Variants in SLC25A13 observed in about 807,000 individuals in gnomAD.
SLC25A13 encodes the protein solute carrier family 25 member 13.
In SLC25A13, 70 loss-of-function variants were observed where a neutral mutation model predicts 85.5. The ratio of observed to expected loss-of-function variants is 0.82; its 90% CI spans 0.68 to 1.00. The LOEUF is 1.00. SLC25A13 is among the 50% of genes least tolerant of loss of function. The pLI is 0.00. For missense variants in SLC25A13, 765 were observed against 819.8 expected, an observed-to-expected ratio of 0.93 and a Z score of 0.82; for synonymous variants, 259 against 288.7, an observed-to-expected ratio of 0.90 and a Z score of 1.04.
At chr7:96,267,670 C>A (rs780522804) in intron 3 of SLC25A13, among the ~76,000 whole-genome samples, 1 of 151,754 alleles carries the variant, frequency 6.6e-6, no homozygotes, top group South Asian at 2.1e-4. Flanking sequence ...AAAAATTAGC[C>A]GGGTGTGGTG....
intron 3 of SLC25A13, among the ~76,000 whole-genome samples, chr7:96,253,363 G>A (rs1797508199): frequency 2.0e-5 from 3 of 152,060 alleles, no homozygotes; most frequent in Admixed American, 1.3e-4. Flanking sequence ...AAATTGAGAA[G>A]GGAAAGCTAA....
At chr7:96,299,876 TG>T (rs1243734898) in intron 1 of SLC25A13, among the ~76,000 whole-genome samples, 5 of 152,212 alleles carry the variant, frequency 3.3e-5, no homozygotes, top group Non-Finnish European at 7.4e-5. Context: ...TGTAGGCAAC[TG>T]TAAAACAAGT....
intron 3 of SLC25A13, among the ~76,000 whole-genome samples, chr7:96,266,764 A>T (rs1798054880): frequency 6.6e-6 from 1 of 152,160 alleles, no homozygotes; most frequent in African/African-American, 2.4e-5. Context: ...ATGATTTCAG[A>T]CATCAAATAT....
chr7:96,200,326 C>A (rs1429204297), intron 5 of SLC25A13, among the ~76,000 whole-genome samples: 1 of 133,528 alleles, frequency 7.5e-6, no homozygotes, highest in Non-Finnish European at 1.8e-5. Context: ...ACATTTAGCC[C>A]AAACAATTTC....
chr7:96,301,198 A>C (rs1489314030), intron 1 of SLC25A13, among the ~76,000 whole-genome samples: 1 of 152,150 alleles, frequency 6.6e-6, no homozygotes, highest in Non-Finnish European at 1.5e-5. Flanking sequence ...GGATTATTAG[A>C]CTTAGTTCAT....
At chr7:96,262,467 G>A (rs948873684) in intron 3 of SLC25A13, among the ~76,000 whole-genome samples, 1 of 151,918 alleles carries the variant, frequency 6.6e-6, no homozygotes, top group African/African-American at 2.4e-5. Flanking sequence ...GTAACTCAAG[G>A]TTCAATATAA....
chr7:96,140,586 G>A (rs1792499530), intron 14 of SLC25A13, among the ~76,000 whole-genome samples: 1 of 150,800 alleles, frequency 6.6e-6, no homozygotes, highest in Non-Finnish European at 1.5e-5. Flanking sequence ...TGTACTTTTA[G>A]TAGAGATGGG....
At chr7:96,253,633 TA>T (rs1797519298) in intron 3 of SLC25A13, among the ~76,000 whole-genome samples, 1 of 152,194 alleles carries the variant, frequency 6.6e-6, no homozygotes, top group Non-Finnish European at 1.5e-5. Flanking sequence ...AGTGACTCTA[TA>T]ACATCGAAGC....
chr7:96,262,450 C>T (rs28384315), intron 3 of SLC25A13, among the ~76,000 whole-genome samples: 17 of 151,952 alleles, frequency 1.1e-4, no homozygotes, highest in South Asian at 4.2e-4. Flanking sequence ...GAATATGATA[C>T]GCAATGGTAA....
At chr7:96,289,789 G>A (rs1326689570) in intron 2 of SLC25A13, among the ~76,000 whole-genome samples, 1 of 152,214 alleles carries the variant, frequency 6.6e-6, no homozygotes, top group Non-Finnish European at 1.5e-5. Context: ...TCTGACTGGT[G>A]TACCTGAAAG....
At chr7:96,242,189 A>T (rs1797023548) in intron 3 of SLC25A13, among the ~76,000 whole-genome samples, 1 of 152,218 alleles carries the variant, frequency 6.6e-6, no homozygotes, top group South Asian at 2.1e-4. Context: ...GCAGAGATGA[A>T]AGTAAAATCT....
chr7:96,140,391 G>T (rs1247532512), intron 14 of SLC25A13, among the ~76,000 whole-genome samples: 1 of 142,182 alleles, frequency 7.0e-6, no homozygotes, highest in Admixed American at 7.2e-5. Context: ...TACCACCAAG[G>T]ATCTCCTTTT....
At chr7:96,231,983 G>C (rs1445230043) in intron 4 of SLC25A13, among the ~76,000 whole-genome samples, 2 of 152,152 alleles carry the variant, frequency 1.3e-5, no homozygotes, top group African/African-American at 4.8e-5. Flanking sequence ...TGTAAATGCT[G>C]GTAGGAGTGT....
At chr7:96,145,733 G>A (rs775167272) in intron 14 of SLC25A13, among the ~76,000 whole-genome samples, 3 of 152,096 alleles carry the variant, frequency 2.0e-5, no homozygotes, top group Non-Finnish European at 2.9e-5. Flanking sequence ...TGGGTTAAAT[G>A]GAGCTCAAGA....
At chr7:96,273,979 C>T (rs554670929) in intron 3 of SLC25A13, among the ~76,000 whole-genome samples, 33 of 152,298 alleles carry the variant, frequency 2.2e-4, no homozygotes, top group Non-Finnish European at 4.1e-4. Flanking sequence ...CTGCACCACC[C>T]TGCTCATACA....
At chr7:96,241,911 A>G (rs1190080016) in intron 3 of SLC25A13, among the ~76,000 whole-genome samples, 2 of 152,190 alleles carry the variant, frequency 1.3e-5, no homozygotes, top group African/African-American at 4.8e-5. Context: ...CTCACTCAGC[A>G]GAGGCTTAGA....
chr7:96,295,213 G>A (rs1298354380), intron 2 of SLC25A13, among the ~76,000 whole-genome samples: 5 of 152,074 alleles, frequency 3.3e-5, no homozygotes, highest in East Asian at 1.9e-4. Context: ...AAAATTAGCC[G>A]GGTGTGGTGG....
chr7:96,208,809 C>G, intron 5 of SLC25A13, 29 bp downstream of exon 5: 1 of 1,613,172 alleles, frequency 6.2e-7, no homozygotes, highest in Non-Finnish European at 8.5e-7. Context: ...CCGGCCATAC[C>G]CTTTTAACTT....
chr7:96,143,076 CT>C (rs1387928788), intron 14 of SLC25A13, among the ~76,000 whole-genome samples: 4 of 152,212 alleles, frequency 2.6e-5, no homozygotes, highest in Non-Finnish European at 4.4e-5. Context: ...AATTTGAAAA[CT>C]TTTCAACAGT....
Sources: gnomAD v4.1 joint callset for allele counts (sites outside exome capture counted in the v4.1 genomes callset) on GRCh38, gnomAD v4.1.1 for gene constraint, MANE v1.5 for transcripts, NCBI Gene and HGNC (gene_info 2026-07-23, HGNC 2026-07-21) for gene names.